Variants in CSMD1 observed in about 807,000 individuals in gnomAD.
The protein encoded by CSMD1 is CUB and sushi domain-containing protein 1.
CSMD1 carries 213 observed loss-of-function variants against 417.5 expected under a neutral mutation model. That is an observed-to-expected ratio of 0.51 (90% CI 0.46 to 0.57). CSMD1 has a LOEUF of 0.57. Among genes scored for constraint, CSMD1 ranks in the 20% least tolerant of loss-of-function variants. CSMD1 has a pLI of 0.00. For synonymous variants in CSMD1, 2,862 were observed against 1,736.8 expected, an observed-to-expected ratio of 1.65 and a Z score of -16.11; for missense variants, 6,923 against 4,529.7, an observed-to-expected ratio of 1.53 and a Z score of -15.17.
intron 5 of CSMD1, among the ~76,000 whole-genome samples, chr8:3,945,587 C>A (rs1811171969): frequency 6.6e-6 from 1 of 152,126 alleles, no homozygotes. Context: ...AAAGAACTCA[C>A]AATTAATATC....
intron 2 of CSMD1, among the ~76,000 whole-genome samples, chr8:4,612,317 G>C (rs1265948923): frequency 6.6e-6 from 1 of 151,668 alleles, no homozygotes; most frequent in African/African-American, 2.4e-5. Flanking sequence ...CTTTTTTGAA[G>C]TTCCCCACTT....
intron 8 of CSMD1, among the ~76,000 whole-genome samples, chr8:3,593,567 C>A (rs1308842103): frequency 6.6e-6 from 1 of 152,198 alleles, no homozygotes; most frequent in Non-Finnish European, 1.5e-5. Flanking sequence ...ATGTCCAGAT[C>A]TGACTTTTAA....
At chr8:4,445,919 C>A (rs1195536385) in intron 2 of CSMD1, among the ~76,000 whole-genome samples, 1 of 152,134 alleles carries the variant, frequency 6.6e-6, no homozygotes, top group South Asian at 2.1e-4. Flanking sequence ...GTGACCTGGG[C>A]CTTTCAGCTG....
chr8:4,835,232 T>G (rs1021527430), intron 1 of CSMD1, among the ~76,000 whole-genome samples: 1 of 152,014 alleles, frequency 6.6e-6, no homozygotes, highest in Admixed American at 6.6e-5. Flanking sequence ...GATAAATGAT[T>G]GAATTGCAAC....
intron 5 of CSMD1, among the ~76,000 whole-genome samples, chr8:3,924,139 T>C (rs1809475375): frequency 6.6e-6 from 1 of 152,216 alleles, no homozygotes; most frequent in African/African-American, 2.4e-5. Flanking sequence ...TCTCCATTTA[T>C]GAAGGACAGT....
chr8:3,850,184 A>T (rs1014062961), intron 5 of CSMD1, among the ~76,000 whole-genome samples: 1 of 152,252 alleles, frequency 6.6e-6, no homozygotes. Flanking sequence ...GTATAGGCAA[A>T]TTTTGAGACT....
In CSMD1 at chr8:4,420,011, A is replaced by G. The variant is rs151160104; in HGVS notation, c.357T>C (p.Thr119=). 3 of 1,587,860 alleles carry G rather than the reference A, an allele frequency of 1.9e-6. No homozygotes were observed. In the South Asian group the frequency reaches 3.5e-5, roughly 18 times the overall value. ...CAGCGAAGTCTGTCGTGAACCACAG[A>G]GTGAGGATAGATCCTGTACTCACTA... ...SSIVSTGSIL[T]LWFTTDFAVS... Residue 119 remains threonine (T), a synonymous_variant, in exon 3 of 70, where the codon ACT becomes ACC. Coordinates refer to ENST00000635120, the MANE Select transcript of CSMD1 (RefSeq NM_033225.6).
chr8:4,005,305 A>C (rs532171633), intron 4 of CSMD1, among the ~76,000 whole-genome samples: 3 of 152,208 alleles, frequency 2.0e-5, no homozygotes, highest in Non-Finnish European at 4.4e-5. Flanking sequence ...AAATAATAAA[A>C]AAAGTTTCAA....
chr8:4,367,188 G>A (rs1286661063), intron 3 of CSMD1, among the ~76,000 whole-genome samples: 1 of 152,100 alleles, frequency 6.6e-6, no homozygotes, highest in Non-Finnish European at 1.5e-5. Flanking sequence ...AGCTTGCATT[G>A]AATCCTTTAA....
chr8:3,271,292 T>C (rs1801834536), intron 26 of CSMD1, among the ~76,000 whole-genome samples: 1 of 152,008 alleles, frequency 6.6e-6, no homozygotes, highest in Non-Finnish European at 1.5e-5. Flanking sequence ...TATTCCATGG[T>C]GTATATGTGC....
rs531517688 is a variant in CSMD1 at position 3,631,864 on chromosome 8, C to T, written c.1010-15067G>A. On this transcript the variant is annotated intron_variant, in intron 7 of 69. Coordinates refer to ENST00000635120, the MANE Select transcript of CSMD1 (RefSeq NM_033225.6). ...ATTTATCTTTAAAACGTGAATTCCC[C>T]CCTGGTCCAAAGATAACCTGACTTT... 3.3e-5 allele frequency among the ~76,000 whole-genome samples: 5 copies of T among 152,204 alleles called. No homozygotes were observed. The South Asian group carries it at 1.0e-3, about 32-fold the overall frequency.
intron 1 of CSMD1, among the ~76,000 whole-genome samples, chr8:4,983,288 G>A (rs141966661): frequency 1.3e-5 from 2 of 152,186 alleles, no homozygotes; most frequent in African/African-American, 4.8e-5. Flanking sequence ...TTCAACGAGT[G>A]TTTTCACAAA....
chr8:3,786,289 G>C (rs754804352), intron 5 of CSMD1, among the ~76,000 whole-genome samples: 2 of 152,118 alleles, frequency 1.3e-5, no homozygotes, highest in South Asian at 2.1e-4. Context: ...GAGGTTAGAA[G>C]AGACCTGAGG....
chr8:3,799,167 T>C (rs543316349), intron 5 of CSMD1, among the ~76,000 whole-genome samples: 1 of 151,680 alleles, frequency 6.6e-6, no homozygotes, highest in African/African-American at 2.4e-5. Context: ...TATAATGTAT[T>C]TATTTGACTA....
chr8:3,196,509 C>A (rs1314011736), intron 33 of CSMD1, among the ~76,000 whole-genome samples: 1 of 152,166 alleles, frequency 6.6e-6, no homozygotes, highest in Non-Finnish European at 1.5e-5. Context: ...TGGATCCGCA[C>A]CCCTTTCTGG....
intron 23 of CSMD1, among the ~76,000 whole-genome samples, chr8:3,342,933 C>T (rs1490301038): frequency 1.3e-5 from 2 of 151,370 alleles, no homozygotes; most frequent in Admixed American, 6.6e-5. Context: ...AAGTCTATTA[C>T]CTCCGGTTGT....
intron 6 of CSMD1, among the ~76,000 whole-genome samples, chr8:3,721,672 G>C (rs372248212): frequency 5.3e-5 from 8 of 152,120 alleles, no homozygotes; most frequent in African/African-American, 1.9e-4. Flanking sequence ...TCATGGTTTT[G>C]GAAGAGCTTC....
intron 1 of CSMD1, among the ~76,000 whole-genome samples, chr8:4,945,613 T>C (rs148876047): frequency 1.3e-5 from 2 of 152,004 alleles, no homozygotes; most frequent in East Asian, 3.9e-4. Flanking sequence ...AAATTCTAAG[T>C]GATGTATTCA....
intron 2 of CSMD1, among the ~76,000 whole-genome samples, chr8:4,622,193 G>T (rs1326447649): frequency 6.6e-6 from 1 of 151,638 alleles, no homozygotes; most frequent in Non-Finnish European, 1.5e-5. Context: ...AAAAAGAATG[G>T]CAGACATATT....
Sources: allele counts gnomAD v4.1 joint callset (sites outside exome capture counted in the v4.1 genomes callset), GRCh38; gene constraint gnomAD v4.1.1; transcripts MANE v1.5; gene names NCBI Gene and HGNC (gene_info 2026-07-23, HGNC 2026-07-21).